The following PDGFRL variants were observed in gnomAD, a reference collection of about 807,000 sequenced individuals.
PDGFRL encodes the protein platelet-derived growth factor receptor-like protein.
PDGFRL carries 46 observed loss-of-function variants against 37.2 expected under a neutral mutation model. That is an observed-to-expected ratio of 1.24 (90% CI 0.98 to 1.58). The LOEUF (loss-of-function observed/expected upper bound fraction) is 1.58. Among genes scored for constraint, PDGFRL ranks in the 40% most tolerant of loss-of-function variants. The pLI, the probability that PDGFRL is intolerant of heterozygous loss-of-function variation, is 0.00. For synonymous variants in PDGFRL, 251 were observed against 184.3 expected, an observed-to-expected ratio of 1.36 and a Z score of -2.93; for missense variants, 692 against 467.6, an observed-to-expected ratio of 1.48 and a Z score of -4.43.
intron 4 of PDGFRL, among the ~76,000 whole-genome samples, chr8:17,631,172 C>G (rs1273191155): frequency 6.6e-6 from 1 of 152,154 alleles, no homozygotes; most frequent in Non-Finnish European, 1.5e-5. Flanking sequence ...AAGCAGTTCT[C>G]TGAGGCCGCT....
chr8:17,583,796 T>A (rs1196811285), intron 1 of PDGFRL, among the ~76,000 whole-genome samples: 2 of 152,102 alleles, frequency 1.3e-5, no homozygotes, highest in African/African-American at 4.8e-5. Context: ...CCCCTCTCTC[T>A]CTCTCTTGCT....
intron 1 of PDGFRL, among the ~76,000 whole-genome samples, chr8:17,589,099 T>C (rs536568304): frequency 5.3e-5 from 8 of 151,930 alleles, no homozygotes; most frequent in African/African-American, 1.9e-4. Context: ...CTATGAGGGC[T>C]GGGCATGGTG....
intron 2 of PDGFRL, among the ~76,000 whole-genome samples, chr8:17,619,575 C>G (rs1804591734): frequency 6.6e-6 from 1 of 152,178 alleles, no homozygotes; most frequent in Non-Finnish European, 1.5e-5. Context: ...GGCTCAGGAC[C>G]TTATCAGCCA....
At chr8:17,614,951 T>C (rs1804493689) in intron 2 of PDGFRL, among the ~76,000 whole-genome samples, 1 of 152,186 alleles carries the variant, frequency 6.6e-6, no homozygotes, top group Admixed American at 6.5e-5. Flanking sequence ...TTTGTTCACC[T>C]GCCACGTGGG....
At chr8:17,588,227 A>C (rs1447324976) in intron 1 of PDGFRL, among the ~76,000 whole-genome samples, 1 of 152,238 alleles carries the variant, frequency 6.6e-6, no homozygotes, top group African/African-American at 2.4e-5. Context: ...TGCTACAGTT[A>C]CAGTTGAGTT....
chr8:17,616,715 C>A (rs188665344), intron 2 of PDGFRL, among the ~76,000 whole-genome samples: 2 of 152,262 alleles, frequency 1.3e-5, no homozygotes, highest in African/African-American at 4.8e-5. Flanking sequence ...GTTCTCATGG[C>A]ATGTTGTGTA....
chr8:17,580,958 CGTGT>C (rs59628100), intron 1 of PDGFRL, among the ~76,000 whole-genome samples: 25 of 148,640 alleles, frequency 1.7e-4, no homozygotes, highest in Non-Finnish European at 2.6e-4. Flanking sequence ...CATTTTCATA[CGTGT>C]GTGTGTGTGT....
At chr8:17,624,523 G>A (rs1804694997) in intron 3 of PDGFRL, among the ~76,000 whole-genome samples, 1 of 152,188 alleles carries the variant, frequency 6.6e-6, no homozygotes, top group Non-Finnish European at 1.5e-5. Flanking sequence ...CTCCCACCCA[G>A]ATCAAGGATG....
intron 2 of PDGFRL, among the ~76,000 whole-genome samples, chr8:17,600,233 C>T (rs78576300): frequency 0.01 from 1,586 of 152,238 alleles, 57 homozygotes; most frequent in East Asian, 0.093. Context: ...TTTTCCATGC[C>T]TTGAGATTTC....
chr8:17,583,370 C>T (rs1803749237), intron 1 of PDGFRL, among the ~76,000 whole-genome samples: 1 of 152,262 alleles, frequency 6.6e-6, no homozygotes, highest in African/African-American at 2.4e-5. Context: ...TGGGCTTCAC[C>T]CAGCCAAGTT....
Position 17,642,598 on chromosome 8 carries a change from G to C in PDGFRL, c.940-15G>C. ...TGTCCCTCTTGCTTCAGTCTTTGTGGGTGTCGTTAAACAGGATGAAAGGCC... is the reference window on the plus strand; with the variant it reads ...TGTCCCTCTTGCTTCAGTCTTTGTGCGTGTCGTTAAACAGGATGAAAGGCC... On this transcript the variant is annotated splice_polypyrimidine_tract_variant and intron_variant, in intron 5 of 5. Coordinates refer to ENST00000251630, the MANE Select transcript of PDGFRL (RefSeq NM_001372073.1). The C allele has an allele frequency of 6.4e-7, 1 of 1,559,898 alleles. No individual in the cohort carries two copies.
chr8:17,609,665 A>AAAAAT (rs869133686), intron 2 of PDGFRL, among the ~76,000 whole-genome samples: 1 of 97,546 alleles, frequency 1.0e-5, no homozygotes, highest in Non-Finnish European at 2.1e-5. Flanking sequence ...AAAAAAAAAA[A>AAAAAT]TAAGAGCCAA....
At chr8:17,597,264 G>A (rs73563769) in intron 2 of PDGFRL, among the ~76,000 whole-genome samples, 21,987 of 152,136 alleles carry the variant, frequency 0.14, 4,252 homozygotes, top group African/African-American at 0.43. Context: ...CAAGTGATCC[G>A]TCCACCTTGG....
intron 3 of PDGFRL, among the ~76,000 whole-genome samples, chr8:17,626,639 A>T (rs192958694): frequency 2.0e-5 from 3 of 152,256 alleles, no homozygotes; most frequent in East Asian, 3.9e-4. Flanking sequence ...TGTAATACGT[A>T]TTGGGGTATC....
At chr8:17,611,568 G>A (rs1041677703) in intron 2 of PDGFRL, among the ~76,000 whole-genome samples, 21 of 152,118 alleles carry the variant, frequency 1.4e-4, no homozygotes, top group African/African-American at 4.8e-4. Context: ...AAAGAGATGC[G>A]TGGAGGGCTC....
intron 2 of PDGFRL, among the ~76,000 whole-genome samples, chr8:17,599,245 A>C (rs1219188136): frequency 2.0e-5 from 3 of 152,158 alleles, no homozygotes; most frequent in Non-Finnish European, 4.4e-5. Context: ...TCACCCAAGC[A>C]GTATACACTG....
chr8:17,577,015 G>T (rs577872106), upstream of PDGFRL: 1 of 581,988 alleles, frequency 1.7e-6, no homozygotes, highest in Non-Finnish European at 2.9e-6. Flanking sequence ...TCCTCCCCGC[G>T]CTGGGAAGAA....
chr8:17,590,882 T>C (rs10094573), intron 2 of PDGFRL, among the ~76,000 whole-genome samples: 116,308 of 148,100 alleles, frequency 0.79, 47,326 homozygotes, highest in East Asian at 0.9. Context: ...ATTATTATTA[T>C]TATTAATTTT....
At chr8:17,624,554 G>A (rs532047389) in intron 3 of PDGFRL, among the ~76,000 whole-genome samples, 46 of 152,248 alleles carry the variant, frequency 3.0e-4, no homozygotes, top group African/African-American at 1.1e-3. Flanking sequence ...CAGCAGCAGA[G>A]CTTTCTCATA....
Sources: allele counts gnomAD v4.1 joint callset (sites outside exome capture counted in the v4.1 genomes callset), GRCh38; gene constraint gnomAD v4.1.1; transcripts MANE v1.5; gene names NCBI Gene and HGNC (gene_info 2026-07-23, HGNC 2026-07-21).